The following AGBL4 variants were observed in gnomAD, a reference collection of about 807,000 sequenced individuals.
AGBL4 encodes cytosolic carboxypeptidase 6.
A neutral mutation model predicts 66.4 loss-of-function variants in AGBL4; 58 were observed. The ratio of observed to expected loss-of-function variants is 0.87; its 90% confidence interval spans 0.71 to 1.09. AGBL4 has a LOEUF of 1.09. Ranked by LOEUF, AGBL4 falls within the 50% of genes least tolerant of loss-of-function variation. AGBL4 has a pLI of 0.00. For missense variants in AGBL4, 579 were observed against 631.0 expected, an observed-to-expected ratio of 0.92 and a Z score of 0.88; for synonymous variants, 234 against 222.9, an observed-to-expected ratio of 1.05 and a Z score of -0.44.
chr1:49,516,277 G>A lies in AGBL4; in HGVS notation c.282+181036C>T, dbSNP rs573785246. ...ATAGCATCACAAATGGTGTTATAAAGGAAAGTCCAAGGTGCCATGAGATCA... is the reference window on the plus strand; with the variant it reads ...ATAGCATCACAAATGGTGTTATAAAAGAAAGTCCAAGGTGCCATGAGATCA... On this transcript the variant is annotated intron_variant, in intron 3 of 13. Transcript: ENST00000371839. 3.3e-5 allele frequency among the ~76,000 whole-genome samples: 5 copies of A among 152,036 alleles called. No individual in the cohort carries two copies. In the East Asian group the frequency reaches 9.7e-4, roughly 30 times the overall value.
intron 3 of AGBL4, among the ~76,000 whole-genome samples, chr1:49,273,258 T>C (rs1021124672): frequency 2.0e-5 from 3 of 151,974 alleles, no homozygotes; most frequent in Non-Finnish European, 4.4e-5. Context: ...TTCCTAGATT[T>C]TTCACCAGAA....
intron 4 of AGBL4, among the ~76,000 whole-genome samples, chr1:49,169,078 G>C (rs1471034628): frequency 1.3e-5 from 2 of 152,122 alleles, no homozygotes; most frequent in Middle Eastern, 3.2e-3. Flanking sequence ...CACTCTTGGT[G>C]CCCTGAGATT....
chr1:49,987,981 T>C (rs1282237211), intron 1 of AGBL4, among the ~76,000 whole-genome samples: 1 of 151,852 alleles, frequency 6.6e-6, no homozygotes, highest in Non-Finnish European at 1.5e-5. Flanking sequence ...TATTCTTTTT[T>C]ATAATAAATC....
chr1:48,775,788 G>A (rs1373981998), intron 6 of AGBL4, among the ~76,000 whole-genome samples: 1 of 152,218 alleles, frequency 6.6e-6, no homozygotes, highest in East Asian at 1.9e-4. Flanking sequence ...ATGGAGATGA[G>A]ACTAGCTGCC....
intron 1 of AGBL4, among the ~76,000 whole-genome samples, chr1:49,885,936 T>C (rs1415075937): frequency 1.3e-5 from 2 of 152,182 alleles, no homozygotes; most frequent in Non-Finnish European, 2.9e-5. Context: ...TTTTGGGGCA[T>C]ATGACCATGG....
intron 4 of AGBL4, among the ~76,000 whole-genome samples, chr1:49,120,113 T>C (rs1194954349): frequency 2.0e-5 from 3 of 152,214 alleles, no homozygotes; most frequent in African/African-American, 4.8e-5. Context: ...AGCACACCGA[T>C]GGGTCTTGAC....
intron 3 of AGBL4, among the ~76,000 whole-genome samples, chr1:49,599,976 G>T (rs576747768): frequency 6.6e-6 from 1 of 152,092 alleles, no homozygotes; most frequent in Non-Finnish European, 1.5e-5. Flanking sequence ...TCTGAGAGAC[G>T]ATTGGTTATG....
chr1:49,146,603 T>G (rs1351530427), intron 4 of AGBL4, among the ~76,000 whole-genome samples: 2 of 152,116 alleles, frequency 1.3e-5, no homozygotes, highest in Admixed American at 6.6e-5. Flanking sequence ...GCCAGGAGAA[T>G]GAAGAGTTGG....
At chr1:48,612,644 G>A (rs1645256227) in intron 9 of AGBL4, among the ~76,000 whole-genome samples, 1 of 152,198 alleles carries the variant, frequency 6.6e-6, no homozygotes, top group South Asian at 2.1e-4. Flanking sequence ...ACAGATTTTA[G>A]TATAGCTGGT....
chr1:49,282,131 T>G (rs1312439210), intron 3 of AGBL4, among the ~76,000 whole-genome samples: 1 of 152,208 alleles, frequency 6.6e-6, no homozygotes, highest in African/African-American at 2.4e-5. Context: ...ATTGGAGAAT[T>G]GCTTGGTGTG....
intron 9 of AGBL4, among the ~76,000 whole-genome samples, chr1:48,601,241 T>G (rs1645069009): frequency 6.6e-6 from 1 of 152,210 alleles, no homozygotes; most frequent in Non-Finnish European, 1.5e-5. Context: ...TTTCCCTCCC[T>G]GAGTTTCAGT....
chr1:48,581,831 G>A (rs1644745234), intron 11 of AGBL4, among the ~76,000 whole-genome samples: 4 of 152,228 alleles, frequency 2.6e-5, no homozygotes, highest in Admixed American at 2.0e-4. Flanking sequence ...GAGGTTCAGA[G>A]TGGTTAAATA....
intron 1 of AGBL4, among the ~76,000 whole-genome samples, chr1:49,880,402 C>A (rs552094340): frequency 2.0e-5 from 3 of 152,100 alleles, no homozygotes; most frequent in Non-Finnish European, 4.4e-5. Flanking sequence ...AGCTGCAGGT[C>A]TGTTGGAATA....
intron 11 of AGBL4, among the ~76,000 whole-genome samples, chr1:48,566,435 T>A (rs1644476925): frequency 6.6e-6 from 1 of 152,238 alleles, no homozygotes; most frequent in Non-Finnish European, 1.5e-5. Context: ...CTCTTGTAAG[T>A]TCCAGAACAG....
At chr1:48,724,208 C>T (rs1364145187) in intron 6 of AGBL4, among the ~76,000 whole-genome samples, 1 of 152,218 alleles carries the variant, frequency 6.6e-6, no homozygotes, top group Non-Finnish European at 1.5e-5. Context: ...ATTAATTACA[C>T]TCTCATTACT....
intron 5 of AGBL4, among the ~76,000 whole-genome samples, chr1:49,039,525 AAAAC>A (rs1426143829): frequency 6.6e-6 from 1 of 152,120 alleles, no homozygotes; most frequent in African/African-American, 2.4e-5. Context: ...GAGTATATTA[AAAAC>A]AAACAAACAA....
chr1:48,977,881 AAT>A (rs894390404), intron 5 of AGBL4, among the ~76,000 whole-genome samples: 4 of 152,156 alleles, frequency 2.6e-5, no homozygotes, highest in African/African-American at 9.6e-5. Context: ...AAAGTAACCC[AAT>A]AAAGGTTCAC....
At chr1:50,001,417 TTGTGTGTG>T (rs35073061) in intron 1 of AGBL4, among the ~76,000 whole-genome samples, 7 of 146,972 alleles carry the variant, frequency 4.8e-5, no homozygotes, top group Admixed American at 1.4e-4. Context: ...AAAAAATAAT[TTGTGTGTG>T]TGTGTGTGTG....
At chr1:49,444,302 GT>G (rs984593259) in intron 3 of AGBL4, among the ~76,000 whole-genome samples, 5 of 151,932 alleles carry the variant, frequency 3.3e-5, no homozygotes, top group African/African-American at 1.2e-4. Context: ...AATCCAATGT[GT>G]TTTTTTGTTG....
Sources: gnomAD v4.1 joint callset for allele counts (sites outside exome capture counted in the v4.1 genomes callset) on GRCh38, gnomAD v4.1.1 for gene constraint, MANE v1.5 for transcripts, NCBI Gene and HGNC (gene_info 2026-07-23, HGNC 2026-07-21) for gene names.